The following ASH2L variants were observed in gnomAD, a reference collection of about 807,000 sequenced individuals.
The protein encoded by ASH2L is set1/Ash2 histone methyltransferase complex subunit ASH2.
A neutral mutation model predicts 81.1 loss-of-function variants in ASH2L; 30 were observed. That is an observed-to-expected ratio of 0.37 (90% CI 0.28 to 0.50). ASH2L has a LOEUF of 0.50. Ranked by LOEUF, ASH2L falls within the 20% of genes least tolerant of loss-of-function variation. ASH2L has a pLI of 0.95. For synonymous variants in ASH2L, 273 were observed against 279.9 expected (o/e 0.98, Z 0.24); for missense variants, 559 against 792.1 (o/e 0.71, Z 3.53).
chr8:38,119,160 C>T (rs1162026585), intron 8 of ASH2L, 110 bp from the exon 9 acceptor site: 9 of 930,352 alleles, frequency 9.7e-6, no homozygotes, highest in African/African-American at 8.5e-5. Flanking sequence ...GGAAATCCTC[C>T]TGTGGTGTTA....
chr8:38,108,542 A>G (rs1176005088), intron 3 of ASH2L, among the ~76,000 whole-genome samples: 1 of 151,070 alleles, frequency 6.6e-6, no homozygotes, highest in African/African-American at 2.4e-5. Flanking sequence ...GTGGGGGGCC[A>G]GGCGCAGTGA....
intron 12 of ASH2L, among the ~76,000 whole-genome samples, chr8:38,131,064 C>CATA (rs1802041976): frequency 6.6e-6 from 1 of 152,070 alleles, no homozygotes; most frequent in African/African-American, 2.4e-5. Context: ...GTTTCTTGTC[C>CATA]TTTATGCATG....
chr8:38,113,440 C>A (rs1352383300), intron 5 of ASH2L, among the ~76,000 whole-genome samples: 1 of 152,038 alleles, frequency 6.6e-6, no homozygotes, highest in African/African-American at 2.4e-5. Context: ...TCCCTGGTTC[C>A]TTTCAGTAAA....
rs569764022 is a variant in ASH2L, at chr8:38,118,009, A to C, written c.854-1261A>C. Among the ~76,000 whole-genome samples, 12 of 152,366 alleles carry C rather than the reference A, an allele frequency of 7.9e-5. No homozygotes were observed. In the East Asian group the frequency reaches 1.3e-3, roughly 17 times the overall value. The stretch of plus-strand genomic sequence containing the variant: ...AGGAGGCAGAGGTTGCAGTGAGCCG[A>C]GATCGTGCCACTGCACTCCAGCTTG... On this transcript the variant is annotated intron_variant, in intron 8 of 15. Transcript: ENST00000343823.
intron 10 of ASH2L, among the ~76,000 whole-genome samples, chr8:38,126,494 A>G (rs989129308): frequency 3.9e-5 from 6 of 152,228 alleles, no homozygotes; most frequent in Non-Finnish European, 5.9e-5. Context: ...GTTAATGATT[A>G]TACATGATGT....
At chr8:38,119,411 G>T in intron 9 of ASH2L, 48 bp downstream of exon 9, 1 of 1,424,830 alleles carries the variant, frequency 7.0e-7, no homozygotes, top group African/African-American at 1.5e-5. Flanking sequence ...AGTATTATTT[G>T]GTGCTGGGAA....
In ASH2L at chr8:38,119,323, C is replaced by T; in HGVS notation, c.907C>T (p.Gln303Ter). The T allele has an allele frequency of 6.4e-7, 1 of 1,550,418 alleles. No homozygotes were observed. Among genetic ancestry groups the T allele is most frequent in the Non-Finnish European group, 8.7e-7 (1 of 1,146,600 alleles). Residue 303 changes from glutamine to a stop codon, truncating the protein, a stop_gained, in exon 9 of 16, where the codon CAG (glutamine) becomes TAG (stop). Transcript: ENST00000343823. LOFTEE classifies it high-confidence loss of function. ...GKGRGAKRKQ[Q>*]DGGTTGTTKK... Reference sequence around the variant, plus strand: ...AGGACGAGGAGCCAAGCGCAAACAGCAGGATGGAGGGACCACAGGGACCAC... The same window carrying T: ...AGGACGAGGAGCCAAGCGCAAACAGTAGGATGGAGGGACCACAGGGACCAC...
chr8:38,132,274 C>T (rs1026848758), intron 12 of ASH2L, among the ~76,000 whole-genome samples: 83 of 152,300 alleles, frequency 5.4e-4, no homozygotes, highest in Non-Finnish European at 1.8e-4. Flanking sequence ...GAGAGACTCT[C>T]GTTTTATATG....
In ASH2L at chr8:38,139,199, A is replaced by AT. The variant is rs1363534622; in HGVS notation, c.*128_*129insT. The AT allele has an allele frequency of 1.5e-5, 11 of 750,926 alleles. No homozygotes were observed. Among genetic ancestry groups the AT allele is most frequent in the Non-Finnish European group, 1.5e-5 (7 of 472,338 alleles). The allele number at this position is 750,926 out of a possible 1,614,324, so 46.5% of individuals were successfully genotyped here. On this transcript the variant is annotated 3_prime_UTR_variant, in exon 16 of 16. Coordinates refer to ENST00000343823, the MANE Select transcript of ASH2L (RefSeq NM_004674.5). ...CAGCCTCTCCTTTTAGCAAGTTAAA[A>AT]GGCTGGGTAGGACTGCGGGAGACTG... is the stretch of plus-strand genomic sequence containing the variant.
intron 10 of ASH2L, among the ~76,000 whole-genome samples, chr8:38,126,094 T>C (rs979017587): frequency 2.0e-5 from 3 of 151,954 alleles, no homozygotes; most frequent in Non-Finnish European, 2.9e-5. Context: ...TCCCAGCCAC[T>C]TGGGAGGCTG....
chr8:38,135,798 C>T (rs781430479), intron 14 of ASH2L, 32 bp downstream of exon 14: 12 of 1,519,406 alleles, frequency 7.9e-6, no homozygotes, highest in Non-Finnish European at 1.1e-5. Context: ...ATGAGCAAAA[C>T]TTGAGGGAAG....
intron 8 of ASH2L, chr8:38,119,037 C>T (rs1811025948): frequency 9.7e-6 from 4 of 410,964 alleles, no homozygotes; most frequent in Admixed American, 4.9e-5. Flanking sequence ...TGTAACCCAA[C>T]CATCATAGTG....
At position 38,130,923 on chromosome 8, in the gene ASH2L, A is replaced by T. The variant is rs370088168; in HGVS notation, c.1527+1972A>T. Among the ~76,000 whole-genome samples, 9 of 152,272 alleles carry T rather than the reference A, an allele frequency of 5.9e-5. No individual in the cohort carries two copies. The East Asian group carries it at 1.7e-3, about 29-fold the overall frequency. ...TGGAAATTCATTTTTTTTCCATATG[A>T]TTACACAATTATCCCAGCACCATAT... On this transcript the variant is annotated intron_variant, in intron 12 of 15. Coordinates refer to ENST00000343823, the MANE Select transcript of ASH2L (RefSeq NM_004674.5).
Position 38,128,936 on chromosome 8 carries a change from C to T in ASH2L, c.1512C>T (p.Asp504=). ...CAGAGACAGCCAAGTCATTGCCAGA[C>T]ACATACAAAGATAAGGTGAGTTTGT... ...EDTETAKSLP[D]TYKDKALIKF... is the part of the protein sequence containing the mutation. The change falls in exon 12 of 16, where the codon GAC becomes GAT. Residue 504 remains aspartate, a synonymous_variant. Coordinates refer to ENST00000343823, the MANE Select transcript of ASH2L (RefSeq NM_004674.5). The T allele has an allele frequency of 6.2e-7, 1 of 1,612,934 alleles. No individual in the cohort carries two copies. Among genetic ancestry groups the T allele is most frequent in the Non-Finnish European group, 8.5e-7 (1 of 1,179,616 alleles).
chr8:38,116,967 T>C (rs1810929174), intron 8 of ASH2L, among the ~76,000 whole-genome samples: 2 of 152,236 alleles, frequency 1.3e-5, no homozygotes, highest in Non-Finnish European at 2.9e-5. Context: ...CAAGGAACCA[T>C]TTCAAGGTCA....
At chr8:38,113,700 A>G (rs776841129) in intron 5 of ASH2L, among the ~76,000 whole-genome samples, 25 of 152,242 alleles carry the variant, frequency 1.6e-4, no homozygotes, top group Non-Finnish European at 3.5e-4. Context: ...TAATGTGTCT[A>G]GCTTATTCTG....
chr8:38,111,255 T>C (rs1810668381), intron 5 of ASH2L, among the ~76,000 whole-genome samples: 1 of 151,610 alleles, frequency 6.6e-6, no homozygotes, highest in African/African-American at 2.4e-5. Context: ...TGAGAGAGGG[T>C]CTCTGTCACC....
At chr8:38,110,096 C>T (rs1810620793) in intron 3 of ASH2L, among the ~76,000 whole-genome samples, 1 of 152,128 alleles carries the variant, frequency 6.6e-6, no homozygotes, top group Admixed American at 6.5e-5. Flanking sequence ...ATGTTAACTT[C>T]TCATAAAGAG....
chr8:38,133,883 G>T (rs1368592294), intron 13 of ASH2L, among the ~76,000 whole-genome samples: 1 of 152,178 alleles, frequency 6.6e-6, no homozygotes, highest in Admixed American at 6.5e-5. Flanking sequence ...GAATAGAAAA[G>T]GGGGAAAGGT....
Sources: gnomAD v4.1 joint callset for allele counts (sites outside exome capture counted in the v4.1 genomes callset) on GRCh38, gnomAD v4.1.1 for gene constraint, MANE v1.5 for transcripts, NCBI Gene and HGNC (gene_info 2026-07-23, HGNC 2026-07-21) for gene names.